Variants in WDFY3 observed in about 807,000 individuals in gnomAD.
The protein encoded by WDFY3 is WD repeat and FYVE domain-containing protein 3.
Under a neutral mutation model 409.6 loss-of-function variants are expected in WDFY3, and 66 were observed. The ratio of observed to expected loss-of-function variants is 0.16; its 90% confidence interval spans 0.13 to 0.20. The LOEUF is 0.20. Ranked by LOEUF, WDFY3 falls within the 10% of genes least tolerant of loss-of-function variation. The pLI, the probability that WDFY3 is intolerant of heterozygous loss-of-function variation, is 1.00. For missense variants in WDFY3, 3,031 were observed against 4,298.1 expected, an observed-to-expected ratio of 0.71 and a Z score of 8.24; for synonymous variants, 1,521 against 1,537.1, an observed-to-expected ratio of 0.99 and a Z score of 0.25.
At position 84,756,902 on chromosome 4, in the gene WDFY3, C is replaced by T. The variant is rs373216599; in HGVS notation, c.5424+24G>A. On this transcript the variant is annotated intron_variant, in intron 33 of 67. Transcript: ENST00000295888. The stretch of plus-strand genomic sequence containing the variant: ...ATTCTTTGGAATACGTAATTTCACG[C>T]ACCCCTTGCTAGATAATTCCTACCT... 218 of 1,600,938 alleles carry T rather than the reference C, an allele frequency of 1.4e-4. 1 individual carries two copies. In the African/African-American group the frequency reaches 2.8e-3, roughly 20 times the overall value.
chr4:84,730,861 C>T (rs182779280), intron 44 of WDFY3, among the ~76,000 whole-genome samples: 2 of 151,864 alleles, frequency 1.3e-5, no homozygotes, highest in Admixed American at 6.6e-5. Flanking sequence ...AGTGCAATGG[C>T]GTGATCTCGG....
intron 22 of WDFY3, among the ~76,000 whole-genome samples, chr4:84,788,373 T>C (rs1189654820): frequency 6.6e-6 from 1 of 152,188 alleles, no homozygotes; most frequent in Non-Finnish European, 1.5e-5. Flanking sequence ...CTAGAGTTGA[T>C]TTCACAGTAC....
At chr4:84,901,460 A>C (rs535118125) in intron 2 of WDFY3, among the ~76,000 whole-genome samples, 1 of 152,310 alleles carries the variant, frequency 6.6e-6, no homozygotes, top group African/African-American at 2.4e-5. Flanking sequence ...CCTTCCAGCA[A>C]GCAGGCCCCC....
chr4:84,690,137 T>C (rs2148845496), intron 61 of WDFY3, among the ~76,000 whole-genome samples: 1 of 152,230 alleles, frequency 6.6e-6, no homozygotes, highest in Admixed American at 6.5e-5. Flanking sequence ...AAATAAAGAA[T>C]TTAGTGGCAG....
rs1560639502 is a variant in WDFY3 at position 84,741,917 on chromosome 4, T to C, written c.6078A>G (p.Glu2026=). Residue 2026 remains glutamate, a synonymous_variant, in exon 38 of 68, where the codon GAA becomes GAG. Transcript: ENST00000295888. ...CACTGGTAATAGGCAGAGATGCATC[T>C]TCCCCTAAATTCCAGTAGGAAAAAA... ...HLLAADVLLG[E]DASLPITSGG... is the part of the protein sequence containing the mutation. The C allele has an allele frequency of 2.5e-6, 4 of 1,577,604 alleles. No homozygotes were observed. Among genetic ancestry groups the C allele is most frequent in the East Asian group, 2.3e-5 (1 of 44,196 alleles).
At chr4:84,735,411 C>T (rs1215550785) in intron 42 of WDFY3, among the ~76,000 whole-genome samples, 2 of 152,162 alleles carry the variant, frequency 1.3e-5, no homozygotes, top group African/African-American at 4.8e-5. Context: ...CGGGGTGCCC[C>T]ACATCCAACG....
intron 56 of WDFY3, among the ~76,000 whole-genome samples, chr4:84,698,081 C>T (rs560621336): frequency 6.6e-6 from 1 of 152,154 alleles, no homozygotes; most frequent in Non-Finnish European, 1.5e-5. Context: ...CCCTGAAATG[C>T]CCACTAGGTC....
chr4:84,943,600 T>C (rs748132569), intron 1 of WDFY3, among the ~76,000 whole-genome samples: 4 of 152,144 alleles, frequency 2.6e-5, no homozygotes, highest in Non-Finnish European at 5.9e-5. Flanking sequence ...GTAATTAAGT[T>C]TTGGGGAAAC....
At chr4:84,796,496 G>A (rs1578557854) in intron 19 of WDFY3, 25 bp downstream of exon 19, 1 of 1,488,778 alleles carries the variant, frequency 6.7e-7, no homozygotes, top group South Asian at 1.4e-5. Context: ...AACCATAAAG[G>A]TTGGCTTCCT....
At chr4:84,829,922 A>C (rs1755453465) in intron 8 of WDFY3, among the ~76,000 whole-genome samples, 1 of 151,884 alleles carries the variant, frequency 6.6e-6, no homozygotes, top group African/African-American at 2.4e-5. Flanking sequence ...TATTTGTATA[A>C]TATATTATTA....
chr4:84,823,509 A>C (rs1754395372), intron 10 of WDFY3, among the ~76,000 whole-genome samples: 2 of 152,084 alleles, frequency 1.3e-5, no homozygotes, highest in Non-Finnish European at 2.9e-5. Flanking sequence ...CCAGCAAGTC[A>C]AAACTAAGAG....
chr4:84,712,741 A>G (rs1026275155), intron 51 of WDFY3, among the ~76,000 whole-genome samples: 8 of 152,046 alleles, frequency 5.3e-5, no homozygotes, highest in African/African-American at 1.9e-4. Flanking sequence ...AAAAGCAAAA[A>G]CCTGATAAAG....
At chr4:84,963,233 G>A (rs1385565557) in intron 1 of WDFY3, among the ~76,000 whole-genome samples, 1 of 151,696 alleles carries the variant, frequency 6.6e-6, no homozygotes, top group Non-Finnish European at 1.5e-5. Context: ...AGACTAGCTT[G>A]GCCAACAGGG....
intron 44 of WDFY3, among the ~76,000 whole-genome samples, chr4:84,731,201 A>G (rs1229549270): frequency 2.0e-5 from 3 of 152,138 alleles, no homozygotes; most frequent in African/African-American, 7.2e-5. Context: ...GACAACCTTG[A>G]TCTAGCTCAT....
At chr4:84,781,888 G>A (rs1425026540) in intron 25 of WDFY3, among the ~76,000 whole-genome samples, 6 of 152,130 alleles carry the variant, frequency 3.9e-5, no homozygotes, top group African/African-American at 1.4e-4. Context: ...AAACATTTAT[G>A]CAATTCACTG....
At chr4:84,702,588 C>A in intron 55 of WDFY3, 82 bp from the exon 56 acceptor site, 2 of 1,255,032 alleles carry the variant, frequency 1.6e-6, no homozygotes, top group Non-Finnish European at 2.1e-6. Flanking sequence ...CTTGAAAACT[C>A]CAACTATAGT....
At chr4:84,802,683 A>C (rs190743805) in intron 16 of WDFY3, among the ~76,000 whole-genome samples, 171 of 152,330 alleles carry the variant, frequency 1.1e-3, no homozygotes, top group Non-Finnish European at 2.0e-3. Context: ...GTCCTATTTT[A>C]ATTTGCTAGA....
chr4:84,966,530 T>C lies in WDFY3; in HGVS notation c.-547A>G. The stretch of plus-strand genomic sequence containing the variant: ...TCGCTGGGTCCCCGCCGCCGCCGCC[T>C]CAGCCTCGGCGCTCCTCGGGTTTCT... On this transcript the variant is annotated 5_prime_UTR_variant, in exon 1 of 68. It removes the in-frame stop codon of an upstream open reading frame in the 5' UTR. Coordinates refer to ENST00000295888, the MANE Select transcript of WDFY3 (RefSeq NM_014991.6). 6.3e-6 allele frequency: 1 copy of C among 157,612 alleles called. No individual in the cohort carries two copies. Among genetic ancestry groups the C allele is most frequent in the Non-Finnish European group, 1.4e-5 (1 of 70,672 alleles). The allele number at this position is 157,612 out of a possible 1,614,324, so 9.8% of individuals were successfully genotyped here.
At chr4:84,737,110 C>A in intron 41 of WDFY3, 74 bp downstream of exon 41, 2 of 1,504,336 alleles carry the variant, frequency 1.3e-6, no homozygotes. Flanking sequence ...ATGCTGTAGT[C>A]ACATATTTAA....
Sources: allele counts gnomAD v4.1 joint callset (sites outside exome capture counted in the v4.1 genomes callset), GRCh38; gene constraint gnomAD v4.1.1; transcripts MANE v1.5; gene names NCBI Gene and HGNC (gene_info 2026-07-23, HGNC 2026-07-21).